APBA1: variants seen among roughly 807,000 people sequenced by gnomAD.
APBA1 encodes amyloid beta precursor protein binding family A member 1.
Under a neutral mutation model 86.6 loss-of-function variants are expected in APBA1, and 55 were observed. The ratio of observed to expected loss-of-function variants is 0.64; its 90% CI spans 0.51 to 0.80. APBA1 has a LOEUF of 0.80. Ranked by LOEUF, APBA1 falls within the 30% of genes least tolerant of loss-of-function variation. The probability of loss-of-function intolerance (pLI) is 0.00; values close to 1 mark genes in which losing one functional copy is unlikely to be tolerated. For missense variants in APBA1, 1,090 were observed against 1,183.0 expected (o/e 0.92, Z 1.15); for synonymous variants, 511 against 493.9 (o/e 1.03, Z -0.46).
rs943453384 is a variant in APBA1 at position 69,585,983 on chromosome 9, A to G, written c.-69-68704T>C. On this transcript the variant is annotated intron_variant, in intron 1 of 12. Transcript: ENST00000265381. The stretch of plus-strand genomic sequence containing the variant: ...CTTATTCTAGACTGCCCACCTATGA[A>G]TATGTTTGCCTCGTCACTTCATGAT... Among the ~76,000 whole-genome samples, 3 of 152,094 alleles carry G rather than the reference A, an allele frequency of 2.0e-5. No homozygotes were observed. In the South Asian group the frequency reaches 6.2e-4, roughly 32 times the overall value.
At chr9:69,431,928 G>A (rs1834604974) in intron 12 of APBA1, among the ~76,000 whole-genome samples, 1 of 145,716 alleles carries the variant, frequency 6.9e-6, no homozygotes, top group Non-Finnish European at 1.5e-5. Flanking sequence ...CAGCAGTGTT[G>A]ACTGACAGCA....
intron 11 of APBA1, among the ~76,000 whole-genome samples, chr9:69,436,633 G>C (rs1449805450): frequency 6.7e-6 from 1 of 149,306 alleles, no homozygotes; most frequent in Non-Finnish European, 1.5e-5. Flanking sequence ...TTTGTATCCT[G>C]AGACTTTGCT....
intron 4 of APBA1, among the ~76,000 whole-genome samples, chr9:69,470,839 T>C (rs1048264297): frequency 2.0e-5 from 3 of 152,170 alleles, no homozygotes; most frequent in African/African-American, 7.2e-5. Flanking sequence ...TGATGCCTGA[T>C]TTGGTGCCCC....
At chr9:69,457,303 T>C (rs1835115921) in intron 6 of APBA1, among the ~76,000 whole-genome samples, 164 bp from the exon 7 acceptor site, 1 of 152,200 alleles carries the variant, frequency 6.6e-6, no homozygotes, top group South Asian at 2.1e-4. Flanking sequence ...ACACAGAGGA[T>C]GGACACATGG....
At chr9:69,654,119 A>G (rs1823562008) in intron 1 of APBA1, among the ~76,000 whole-genome samples, 1 of 151,794 alleles carries the variant, frequency 6.6e-6, no homozygotes, top group South Asian at 2.1e-4. Context: ...TCTCAAAAAA[A>G]AAAAAAAAAA....
chr9:69,660,380 G>A (rs1404044044), intron 1 of APBA1, among the ~76,000 whole-genome samples: 1 of 152,190 alleles, frequency 6.6e-6, no homozygotes, highest in Admixed American at 6.5e-5. Flanking sequence ...GCTGGCAGCT[G>A]AGGCATGAAA....
At chr9:69,440,131 C>T (rs557398043) in intron 11 of APBA1, among the ~76,000 whole-genome samples, 90 of 152,256 alleles carry the variant, frequency 5.9e-4, no homozygotes, top group African/African-American at 2.0e-3. Context: ...GCTGCCTGAT[C>T]GTTCCTCTGG....
At chr9:69,511,784 G>A (rs1202597270) in intron 2 of APBA1, among the ~76,000 whole-genome samples, 2 of 152,004 alleles carry the variant, frequency 1.3e-5, no homozygotes, top group African/African-American at 4.8e-5. Flanking sequence ...GGACATGGAT[G>A]AAATTGGAAA....
intron 1 of APBA1, among the ~76,000 whole-genome samples, chr9:69,645,534 T>C (rs1823374353): frequency 6.6e-6 from 1 of 152,170 alleles, no homozygotes; most frequent in Non-Finnish European, 1.5e-5. Context: ...AGCTAGAGAC[T>C]TGCTTGCCCA....
At chr9:69,545,638 C>T (rs1032331344) in intron 1 of APBA1, among the ~76,000 whole-genome samples, 1 of 152,336 alleles carries the variant, frequency 6.6e-6, no homozygotes, top group Middle Eastern at 3.4e-3. Flanking sequence ...ATTCTAAACA[C>T]GTTGATGTCA....
intron 1 of APBA1, among the ~76,000 whole-genome samples, chr9:69,533,690 T>C (rs912018727): frequency 1.3e-5 from 2 of 152,260 alleles, no homozygotes; most frequent in Non-Finnish European, 2.9e-5. Context: ...ATACTTTTGT[T>C]GGAACTTCTA....
chr9:69,658,312 T>TTCTC (rs1440047993), intron 1 of APBA1, among the ~76,000 whole-genome samples: 1 of 75,580 alleles, frequency 1.3e-5, no homozygotes. Flanking sequence ...CTCTCTTTCT[T>TTCTC]TCTTTCTTTC....
chr9:69,443,906 A>T (rs1412509454), intron 10 of APBA1, among the ~76,000 whole-genome samples: 1 of 152,172 alleles, frequency 6.6e-6, no homozygotes, highest in Non-Finnish European at 1.5e-5. Flanking sequence ...TGTGTCCCCA[A>T]ATTCCAGCCT....
intron 1 of APBA1, among the ~76,000 whole-genome samples, chr9:69,561,415 A>G (rs144909759): frequency 3.0e-4 from 46 of 152,334 alleles, no homozygotes; most frequent in East Asian, 7.7e-4. Context: ...TAAAAGTGAT[A>G]CCATTGTTAT....
At position 69,539,106 on chromosome 9, in the gene APBA1, C is replaced by G. The variant is rs114591765; in HGVS notation, c.-69-21827G>C. ...GTCAGACCTCTCAACACTGGAGGAC[C>G]CAGGCTCAGTCTTTGGACTCAACTG... On this transcript the variant is annotated intron_variant, in intron 1 of 12. Coordinates refer to ENST00000265381, the MANE Select transcript of APBA1 (RefSeq NM_001163.4). Among the ~76,000 whole-genome samples, 967 of 152,268 alleles carry G rather than the reference C, an allele frequency of 6.4e-3. 9 individuals are homozygous for G. Among genetic ancestry groups the G allele is most frequent in the African/African-American group, 0.022 (920 of 41,552 alleles).
At chr9:69,589,256 T>G (rs1822081147) in intron 1 of APBA1, among the ~76,000 whole-genome samples, 1 of 152,162 alleles carries the variant, frequency 6.6e-6, no homozygotes. Flanking sequence ...GCTCCCGGTG[T>G]GTCTCATTCT....
At chr9:69,564,029 T>G (rs1588366106) in intron 1 of APBA1, among the ~76,000 whole-genome samples, 1 of 152,090 alleles carries the variant, frequency 6.6e-6, no homozygotes, top group East Asian at 1.9e-4. Context: ...CATAATTACC[T>G]CCATAAGGTG....
At position 69,516,470 on chromosome 9, in the gene APBA1, G is replaced by A. The variant is rs778489354; in HGVS notation, c.741C>T (p.Asp247=). ...HYDERSDGES[D]SPEKEAEFAP... The stretch of plus-strand genomic sequence containing the variant: ...CGAACTCGGCCTCCTTCTCGGGGCT[G>A]TCGGACTCGCCGTCGGAGCGCTCGT... Residue 247 remains aspartate (D), a synonymous_variant, in exon 2 of 13, where the codon GAC becomes GAT. Transcript: ENST00000265381. The surrounding 1 kb of genome is among the most constrained non-coding windows in gnomAD (Gnocchi z 7.3). 1.2e-5 allele frequency: 19 copies of A among 1,601,652 alleles called. No individual in the cohort carries two copies. Among genetic ancestry groups the A allele is most frequent in the Middle Eastern group, 1.6e-4 (1 of 6,066 alleles).
chr9:69,528,574 AT>A (rs1211614467), intron 1 of APBA1, among the ~76,000 whole-genome samples: 1 of 152,122 alleles, frequency 6.6e-6, no homozygotes, highest in African/African-American at 2.4e-5. Context: ...AAATACCTAC[AT>A]AATTCATAAT....
Sources: gnomAD v4.1 joint callset for allele counts (sites outside exome capture counted in the v4.1 genomes callset) on GRCh38, gnomAD v4.1.1 for gene constraint, Gnocchi (gnomAD v3.1) non-coding constraint, MANE v1.5 for transcripts, NCBI Gene and HGNC (gene_info 2026-07-23, HGNC 2026-07-21) for gene names.